The following PVR variants were observed in gnomAD, a reference collection of about 807,000 sequenced individuals.
PVR encodes the protein PVR cell adhesion molecule.
In PVR, 39 loss-of-function variants were observed where a neutral mutation model predicts 43.3. That is an observed-to-expected ratio of 0.90 (90% CI 0.70 to 1.18). The LOEUF is 1.18. Ranked by LOEUF, PVR falls within the 50% of genes most tolerant of loss-of-function variation. The pLI is 0.00. For missense variants in PVR, 480 were observed against 549.7 expected, an observed-to-expected ratio of 0.87 and a Z score of 1.27; for synonymous variants, 224 against 233.2, an observed-to-expected ratio of 0.96 and a Z score of 0.36.
Position 44,661,806 on chromosome 19 carries a change from A to C in PVR, c.1249A>C (p.Arg417=), listed in dbSNP as rs912019062. ...CCAGGATCCACAGACAGAGGGCACA[A>C]GGTGACAGCGTCGGGACTGAGAGGG... is the stretch of plus-strand genomic sequence containing the variant. ...SSQDPQTEGT[R] Residue 417 remains arginine (R), a synonymous_variant, in exon 8 of 8, where the codon AGG becomes CGG. Transcript: ENST00000425690. 6.8e-6 allele frequency: 11 copies of C among 1,613,816 alleles called. No homozygotes were observed. Among genetic ancestry groups the C allele is most frequent in the African/African-American group, 2.7e-5 (2 of 74,926 alleles).
At chr19:44,644,562 C>G (rs980641598) in intron 1 of PVR, among the ~76,000 whole-genome samples, 5 of 152,066 alleles carry the variant, frequency 3.3e-5, no homozygotes, top group Non-Finnish European at 5.9e-5. Context: ...GCTCAGCATA[C>G]CCAGGCCATA....
Position 44,657,774 on chromosome 19 carries a change from C to T in PVR, c.855C>T (p.Pro285=), listed in dbSNP as rs766822027. 1.2e-6 allele frequency: 2 copies of T among 1,614,126 alleles called. No homozygotes were observed. ...TGYNWSTTMG[P]LPPFAVAQGA... ...CTGTCTCTCCCAGGACCATGGGTCC[C>T]CTGCCACCCTTTGCTGTGGCCCAGG... is the stretch of plus-strand genomic sequence containing the variant. The change falls in exon 5 of 8, where the codon CCC becomes CCT. Residue 285 remains proline (P), a synonymous_variant. Transcript: ENST00000425690.
rs142546426 is a variant in PVR, at chr19:44,653,987, A to G, written c.812A>G (p.Asn271Ser). 2.7e-4 allele frequency: 435 copies of G among 1,613,960 alleles called. 1 individual carries two copies. The highest frequency in any genetic ancestry group is 5.3e-4 in the Admixed American group (32 of 60,018). Residue 271 changes from asparagine (N) to serine (S), a missense_variant, in exon 4 of 8, where the codon AAC becomes AGC. Transcript: ENST00000425690. ...ACCCTGACCTGCGATGCTCGCAGCA[A>G]CCCAGAGCCCACAGGCTATAATTGG... ...EATLTCDARSNPEPTGYNWST... is the reference protein window; with the variant it reads ...EATLTCDARSSPEPTGYNWST...
At position 44,665,161 on chromosome 19, in the gene PVR, G is replaced by T. The variant is rs1362269967; in HGVS notation, c.*3350G>T. ...TATCCTTATCAGAGACTTGGCGGGG[G>T]GCAGGGTATGATGGAGATCATAAGG... On this transcript the variant is annotated 3_prime_UTR_variant, in exon 8 of 8. Transcript: ENST00000425690. The T allele has an allele frequency of 6.6e-6, 1 of 151,952 alleles. No individual in the cohort carries two copies. Among genetic ancestry groups the T allele is most frequent in the Admixed American group, 6.6e-5 (1 of 15,236 alleles). 9.4% of individuals were successfully genotyped at this position (151,952 alleles called of 1,614,324 possible). A position where few individuals can be genotyped will look rare whatever the true frequency, so the allele number is the denominator to read the frequency against.
Position 44,659,960 on chromosome 19 carries a change from C to T in PVR, c.1150+1060C>T, listed in dbSNP as rs944224046. On this transcript the variant is annotated intron_variant, in intron 6 of 7. Transcript: ENST00000425690. ...TTTGACTACCAAGCTTTTCCTTCAACCACTAAACAAAGCTGCTCCCTTACA... is the reference window on the plus strand; with the variant it reads ...TTTGACTACCAAGCTTTTCCTTCAATCACTAAACAAAGCTGCTCCCTTACA... Among the ~76,000 whole-genome samples, 10 of 152,330 alleles carry T rather than the reference C, an allele frequency of 6.6e-5. No individual in the cohort carries two copies. In the South Asian group the frequency reaches 2.1e-3, roughly 32 times the overall value.
Position 44,643,951 on chromosome 19 carries a change from C to T in PVR, c.-146C>T. 1.7e-6 allele frequency: 1 copy of T among 597,006 alleles called. No individual in the cohort carries two copies. Among genetic ancestry groups the T allele is most frequent in the South Asian group, 2.1e-5 (1 of 46,658 alleles). The allele number at this position is 597,006 out of a possible 1,614,324, so 37.0% of individuals were successfully genotyped here. A position where few individuals can be genotyped will look rare whatever the true frequency, so the allele number is the denominator to read the frequency against. On this transcript the variant is annotated 5_prime_UTR_variant, in exon 1 of 8. Transcript: ENST00000425690. Reference sequence around the variant, plus strand: ...CTTGAAGAAGTGGGTATTCCCCTTCCCACCCCAGGCACTGGAGGAGCGGCC... The same window carrying T: ...CTTGAAGAAGTGGGTATTCCCCTTCTCACCCCAGGCACTGGAGGAGCGGCC...
rs34957576 is a variant in PVR at position 44,644,289 on chromosome 19, A to AC, written c.79+120dup. The AC allele has an allele frequency of 6.8e-6, 5 of 731,666 alleles. No homozygotes were observed. In the East Asian group the frequency reaches 1.4e-4, roughly 20 times the overall value. 45.3% of individuals were successfully genotyped at this position (731,666 alleles called of 1,614,324 possible). On this transcript the variant is annotated intron_variant, in intron 1 of 7. Coordinates refer to ENST00000425690, the MANE Select transcript of PVR (RefSeq NM_006505.5). ...ATGACGGCCCCGCCCGGCGCCACCCACCCCCCATCTCTGCCCCGGGGTTGG... is the reference window on the plus strand; with the variant it reads ...ATGACGGCCCCGCCCGGCGCCACCCACCCCCCCATCTCTGCCCCGGGGTTGG...
Position 44,665,417 on chromosome 19 carries a change from C to G in PVR, c.*3606C>G, listed in dbSNP as rs535336165. On this transcript the variant is annotated 3_prime_UTR_variant, in exon 8 of 8. Coordinates refer to ENST00000425690, the MANE Select transcript of PVR (RefSeq NM_006505.5). ...ATCCCAGCACTTTGGGAGGCTGCAG[C>G]GGGTGGATCACTTGAGGTAAGGAGT... 1 of 151,798 alleles carries G rather than the reference C, an allele frequency of 6.6e-6. No homozygotes were observed. Among genetic ancestry groups the G allele is most frequent in the African/African-American group, 2.4e-5 (1 of 41,290 alleles). 9.4% of individuals were successfully genotyped at this position (151,798 alleles called of 1,614,324 possible). A position where few individuals can be genotyped will look rare whatever the true frequency, so the allele number is the denominator to read the frequency against.
intron 7 of PVR, 127 bp downstream of exon 7, chr19:44,661,450 C>A: frequency 9.7e-7 from 1 of 1,027,802 alleles, no homozygotes; most frequent in Non-Finnish European, 1.5e-6. Flanking sequence ...AGCAGCATTT[C>A]CCAACCCTTC....
At position 44,645,416 on chromosome 19, in the gene PVR, T is replaced by TATATATATATAC. The variant is rs1555762241; in HGVS notation, c.79+1252_79+1253insCATATATATATA. Among the ~76,000 whole-genome samples the TATATATATATAC allele has an allele frequency of 2.0e-3, 14 of 6,986 alleles. 1 individual carries two copies. Among genetic ancestry groups the TATATATATATAC allele is most frequent in the African/African-American group, 8.1e-3 (13 of 1,614 alleles). The allele number at this position is 6,986 out of a possible 152,430, so 4.6% of individuals were successfully genotyped here. A position where few individuals can be genotyped will look rare whatever the true frequency, so the allele number is the denominator to read the frequency against. On this transcript the variant is annotated intron_variant, in intron 1 of 7. Transcript: ENST00000425690. ...TTATTATTTATTTATATGTTTTGTG[T>TATATATATATAC]ATATATATATATATATATATATATA...
intron 3 of PVR, among the ~76,000 whole-genome samples, chr19:44,650,897 G>T (rs1362970942): frequency 1.3e-5 from 2 of 151,838 alleles, no homozygotes; most frequent in Non-Finnish European, 2.9e-5. Flanking sequence ...TTTGGACAGG[G>T]TCTCGCTCTG....
At chr19:44,649,122 T>C (rs8111946) in intron 2 of PVR, among the ~76,000 whole-genome samples, 59,974 of 151,940 alleles carry the variant, frequency 0.39, 14,422 homozygotes, top group African/African-American at 0.68. Context: ...GTTTCCCCTT[T>C]CCAGCCCTGC....
In PVR at chr19:44,645,413, G is replaced by GTATATATATA. The variant is rs1278079157; in HGVS notation, c.79+1239_79+1240insATATATATAT. ...ATTTTATTATTTATTTATATGTTTT[G>GTATATATATA]TGTATATATATATATATATATATAT... On this transcript the variant is annotated intron_variant, in intron 1 of 7. Coordinates refer to ENST00000425690, the MANE Select transcript of PVR (RefSeq NM_006505.5). Among the ~76,000 whole-genome samples, 86 of 52,080 alleles carry GTATATATATA rather than the reference G, an allele frequency of 1.7e-3. 3 individuals are homozygous for GTATATATATA. Among genetic ancestry groups the GTATATATATA allele is most frequent in the African/African-American group, 7.4e-3 (82 of 11,084 alleles). The allele number at this position is 52,080 out of a possible 152,430, so 34.2% of individuals were successfully genotyped here. A position where few individuals can be genotyped will look rare whatever the true frequency, so the allele number is the denominator to read the frequency against.
In PVR at chr19:44,662,273, T is replaced by TA; in HGVS notation, c.*462_*463insA. 2 of 174,594 alleles carry TA rather than the reference T, an allele frequency of 1.1e-5. No homozygotes were observed. Among genetic ancestry groups the TA allele is most frequent in the South Asian group, 2.8e-4 (2 of 7,134 alleles). 10.8% of individuals were successfully genotyped at this position (174,594 alleles called of 1,614,324 possible). A position where few individuals can be genotyped will look rare whatever the true frequency, so the allele number is the denominator to read the frequency against. ...TTGTGTCCAGAGTTTTTTGTTTGTCTTGAGACAGGGTCTGGCTCTGTTGGC... is the reference window on the plus strand; with the variant it reads ...TTGTGTCCAGAGTTTTTTGTTTGTCTATGAGACAGGGTCTGGCTCTGTTGGC... On this transcript the variant is annotated 3_prime_UTR_variant, in exon 8 of 8. Transcript: ENST00000425690.
chr19:44,649,427 CTTTT>C (rs35536545), intron 2 of PVR, among the ~76,000 whole-genome samples: 1 of 125,444 alleles, frequency 8.0e-6, no homozygotes. Flanking sequence ...CATTCTGTAT[CTTTT>C]TTTTTTTTTT....
intron 1 of PVR, among the ~76,000 whole-genome samples, chr19:44,645,062 A>G (rs868286268): frequency 3.7e-5 from 4 of 108,840 alleles, no homozygotes; most frequent in African/African-American, 1.1e-4. Context: ...TATAATATAT[A>G]TTATAGTAAT....
intron 3 of PVR, 80 bp downstream of exon 3, chr19:44,650,185 C>G: frequency 7.5e-7 from 1 of 1,336,328 alleles, no homozygotes; most frequent in Non-Finnish European, 1.0e-6. Context: ...CCCCAAGGCA[C>G]TGTAGGCATT....
At chr19:44,656,122 C>G (rs968687336) in intron 4 of PVR, among the ~76,000 whole-genome samples, 2 of 152,124 alleles carry the variant, frequency 1.3e-5, no homozygotes, top group African/African-American at 2.4e-5. Flanking sequence ...CTATGTTGCC[C>G]AGGCTGGTCT....
intron 2 of PVR, 140 bp from the exon 3 acceptor site, chr19:44,649,669 C>T (rs893992449): frequency 4.7e-6 from 4 of 859,302 alleles, no homozygotes; most frequent in Non-Finnish European, 7.3e-6. Context: ...GATCCACCCA[C>T]CTCAGCCCCC....
Sources: gnomAD v4.1 joint callset for allele counts (sites outside exome capture counted in the v4.1 genomes callset) on GRCh38, gnomAD v4.1.1 for gene constraint, MANE v1.5 for transcripts, NCBI Gene and HGNC (gene_info 2026-07-23, HGNC 2026-07-21) for gene names.